BUB3: variants seen among roughly 807,000 people sequenced by gnomAD.
The protein encoded by BUB3 is BUB3 mitotic checkpoint protein.
A neutral mutation model predicts 39.9 loss-of-function variants in BUB3; 22 were observed. That is an observed-to-expected ratio of 0.55 (90% confidence interval 0.39 to 0.79). The LOEUF (loss-of-function observed/expected upper bound fraction) is 0.79, where lower values mean the gene tolerates loss of function less well. Among genes scored for constraint, BUB3 ranks in the 30% least tolerant of loss-of-function variants. The probability of loss-of-function intolerance (pLI) is 0.00; values close to 1 mark genes in which losing one functional copy is unlikely to be tolerated. For missense variants in BUB3, 303 were observed against 415.4 expected, an observed-to-expected ratio of 0.73 and a Z score of 2.35; for synonymous variants, 168 against 155.1, an observed-to-expected ratio of 1.08 and a Z score of -0.62.
chr10:123,157,585 C>T, intron 3 of BUB3, 144 bp from the exon 4 acceptor site: 2 of 879,216 alleles, frequency 2.3e-6, no homozygotes, highest in Non-Finnish European at 3.3e-6. Context: ...ATTTTTCTGT[C>T]TGTAGTAGAC....
Position 123,168,241 on chromosome 10 carries a change from ATTC to A in BUB3, c.*4409_*4411del, listed in dbSNP as rs1844512318. 1 of 152,204 alleles carries A rather than the reference ATTC, an allele frequency of 6.6e-6. No individual in the cohort carries two copies. Among genetic ancestry groups the A allele is most frequent in the African/African-American group, 2.4e-5 (1 of 41,450 alleles). 9.4% of individuals were successfully genotyped at this position (152,204 alleles called of 1,614,324 possible). ...CTCATAGGAGGCAGCTACTTTTAAC[ATTC>A]TTGGTGTATATCCATCCTTCAGGAT... is the stretch of plus-strand genomic sequence containing the variant. On this transcript the variant is annotated 3_prime_UTR_variant, in exon 8 of 8. Transcript: ENST00000368865.
Position 123,162,848 on chromosome 10 carries a change from A to G in BUB3, c.971+20A>G. Reference sequence around the variant, plus strand: ...ACCCAAGTGAGTATGCTTCACCTGTATTTGAGCCTTTTCTTGCATTCAACC... The same window carrying G: ...ACCCAAGTGAGTATGCTTCACCTGTGTTTGAGCCTTTTCTTGCATTCAACC... On this transcript the variant is annotated intron_variant, in intron 7 of 7. Transcript: ENST00000368865. 1.3e-6 allele frequency: 2 copies of G among 1,599,076 alleles called. No homozygotes were observed. Among genetic ancestry groups the G allele is most frequent in the African/African-American group, 1.3e-5 (1 of 74,506 alleles).
At position 123,157,741 on chromosome 10, in the gene BUB3, G is replaced by A; in HGVS notation, c.278G>A (p.Gly93Glu). Residue 93 changes from glycine to glutamate, a missense_variant, in exon 4 of 8, where the codon GGG (glycine) becomes GAG (glutamate). Physicochemically the swap from Gly to Glu is moderately conservative, Grantham distance 98. Coordinates refer to ENST00000368865, the MANE Select transcript of BUB3 (RefSeq NM_004725.4). The part of the protein sequence containing the change: ...DLNTDQENLV[G>E]THDAPIRCVE... ...TTTTTCTCTATAGAAAATCTTGTTGGGACCCATGATGCCCCTATCAGATGT... is the reference window on the plus strand; with the variant it reads ...TTTTTCTCTATAGAAAATCTTGTTGAGACCCATGATGCCCCTATCAGATGT... 6.3e-7 allele frequency: 1 copy of A among 1,589,458 alleles called. No individual in the cohort carries two copies. The highest frequency in any genetic ancestry group is 2.3e-5 in the East Asian group (1 of 44,148).
chr10:123,170,264 C>T lies in BUB3; in HGVS notation c.*6429C>T, dbSNP rs1379026464. On this transcript the variant is annotated 3_prime_UTR_variant, in exon 8 of 8. Transcript: ENST00000368865. The stretch of plus-strand genomic sequence containing the variant: ...TAGCTGACTTTTTAGATTCTTTTTT[C>T]TTTTACATGATGTAGTTCTCAGATA... 5 of 152,046 alleles carry T rather than the reference C, an allele frequency of 3.3e-5. No individual in the cohort carries two copies. The highest frequency in any genetic ancestry group is 3.3e-4 in the Admixed American group (5 of 15,270). 9.4% of individuals were successfully genotyped at this position (152,046 alleles called of 1,614,324 possible). A position where few individuals can be genotyped will look rare whatever the true frequency, so the allele number is the denominator to read the frequency against.
rs1589692285 is a variant in BUB3 at position 123,164,969 on chromosome 10, T to C, written c.*1134T>C. 4.5e-6 allele frequency: 2 copies of C among 449,072 alleles called. No individual in the cohort carries two copies. The highest frequency in any genetic ancestry group is 6.3e-4 in the Middle Eastern group (1 of 1,590). The allele number at this position is 449,072 out of a possible 1,614,324, so 27.8% of individuals were successfully genotyped here. A position where few individuals can be genotyped will look rare whatever the true frequency, so the allele number is the denominator to read the frequency against. On this transcript the variant is annotated 3_prime_UTR_variant, in exon 8 of 8. Transcript: ENST00000368865. ...AATTCTTTTGATACAGAGAAGGGTCTTTTTTTTTTTAAGTATTTCAGTGAA... is the reference window on the plus strand; with the variant it reads ...AATTCTTTTGATACAGAGAAGGGTCCTTTTTTTTTTAAGTATTTCAGTGAA...
chr10:123,162,080 T>TA (rs1385112151), intron 5 of BUB3, among the ~76,000 whole-genome samples, 156 bp from the exon 6 acceptor site: 1 of 152,250 alleles, frequency 6.6e-6, no homozygotes, highest in African/African-American at 2.4e-5. Flanking sequence ...AAAGTCGTCA[T>TA]AACCATGTTA....
At chr10:123,163,764 T>C in intron 7 of BUB3, 56 bp from the exon 8 acceptor site, 1 of 1,485,482 alleles carries the variant, frequency 6.7e-7, no homozygotes. Flanking sequence ...TTGTATCTCC[T>C]GTCCTGGCTG....
chr10:123,160,322 A>G (rs1844404408), intron 4 of BUB3, 85 bp from the exon 5 acceptor site: 2 of 1,279,746 alleles, frequency 1.6e-6, no homozygotes, highest in Non-Finnish European at 2.1e-6. Context: ...TTATGGTCTT[A>G]TGATCAGATG....
intron 3 of BUB3, among the ~76,000 whole-genome samples, chr10:123,156,129 AC>A (rs1330168163): frequency 1.3e-5 from 2 of 152,238 alleles, no homozygotes; most frequent in Admixed American, 6.5e-5. Flanking sequence ...TTAAAACCTG[AC>A]AAAAAATAGG....
chr10:123,155,481 C>T (rs1844338135), intron 2 of BUB3, among the ~76,000 whole-genome samples, 177 bp from the exon 3 acceptor site: 1 of 152,178 alleles, frequency 6.6e-6, no homozygotes, highest in Non-Finnish European at 1.5e-5. Flanking sequence ...CTTTAATTTC[C>T]AGACACAGGA....
Position 123,156,753 on chromosome 10 carries a change from G to GTTTTTTTTTTTTTTTTTTTTTTTTT in BUB3, c.266-965_266-964insTTTTTTTTTTTTTTTTTTTTTTTTT, listed in dbSNP as rs756642442. On this transcript the variant is annotated intron_variant, in intron 3 of 7. Transcript: ENST00000368865. Reference sequence around the variant, plus strand: ...ATGAAATCCTTTCTTTTTCTTTCTTGTTTTTTTTTTTGAGCTAGAGTCTCA... The same window carrying GTTTTTTTTTTTTTTTTTTTTTTTTT: ...ATGAAATCCTTTCTTTTTCTTTCTTGTTTTTTTTTTTTTTTTTTTTTTTTTTTTTTTTTTTTGAGCTAGAGTCTCA... 1.1e-3 allele frequency among the ~76,000 whole-genome samples: 143 copies of GTTTTTTTTTTTTTTTTTTTTTTTTT among 135,070 alleles called. 7 individuals carry two copies. The highest frequency in any genetic ancestry group is 4.3e-3 in the Middle Eastern group (1 of 234). The allele number at this position is 135,070 out of a possible 152,430, so 88.6% of individuals were successfully genotyped here. A position where few individuals can be genotyped will look rare whatever the true frequency, so the allele number is the denominator to read the frequency against.
chr10:123,161,499 A>G (rs1223012018), intron 5 of BUB3, among the ~76,000 whole-genome samples: 1 of 152,206 alleles, frequency 6.6e-6, no homozygotes, highest in Non-Finnish European at 1.5e-5. Context: ...CATTATATCT[A>G]ATATTTTATA....
In BUB3 at chr10:123,165,434, G is replaced by A. The variant is rs541081485; in HGVS notation, c.*1599G>A. On this transcript the variant is annotated 3_prime_UTR_variant, in exon 8 of 8. Coordinates refer to ENST00000368865, the MANE Select transcript of BUB3 (RefSeq NM_004725.4). ...AAAAGGCTTGTGTAAGGCAAAACTC[G>A]TCATCACAGGCATGTTGGGGGATGA... 5 of 174,964 alleles carry A rather than the reference G, an allele frequency of 2.9e-5. No individual in the cohort carries two copies. The highest frequency in any genetic ancestry group is 1.7e-4 in the South Asian group (1 of 5,798). The allele number at this position is 174,964 out of a possible 1,614,324, so 10.8% of individuals were successfully genotyped here. A position where few individuals can be genotyped will look rare whatever the true frequency, so the allele number is the denominator to read the frequency against.
chr10:123,158,717 AT>A (rs1679347609), intron 4 of BUB3, among the ~76,000 whole-genome samples: 2 of 152,206 alleles, frequency 1.3e-5, no homozygotes, highest in Admixed American at 1.3e-4. Flanking sequence ...AAATAATTGC[AT>A]TGTTTCTAGT....
At position 123,169,551 on chromosome 10, in the gene BUB3, G is replaced by C. The variant is rs1442328945; in HGVS notation, c.*5716G>C. Reference sequence around the variant, plus strand: ...TAGTTAAGTTTGGTGACTGCTTGAAGTCTAAGATCACCAAAGTGGCTAATG... The same window carrying C: ...TAGTTAAGTTTGGTGACTGCTTGAACTCTAAGATCACCAAAGTGGCTAATG... On this transcript the variant is annotated 3_prime_UTR_variant, in exon 8 of 8. Coordinates refer to ENST00000368865, the MANE Select transcript of BUB3 (RefSeq NM_004725.4). 6.6e-6 allele frequency: 1 copy of C among 152,218 alleles called. No individual in the cohort carries two copies. The highest frequency in any genetic ancestry group is 2.4e-5 in the African/African-American group (1 of 41,454). The allele number at this position is 152,218 out of a possible 1,614,324, so 9.4% of individuals were successfully genotyped here.
chr10:123,168,712 G>C lies in BUB3; in HGVS notation c.*4877G>C, dbSNP rs977694426. 2 of 152,160 alleles carry C rather than the reference G, an allele frequency of 1.3e-5. No individual in the cohort carries two copies. The highest frequency in any genetic ancestry group is 4.8e-5 in the African/African-American group (2 of 41,430). The allele number at this position is 152,160 out of a possible 1,614,324, so 9.4% of individuals were successfully genotyped here. A position where few individuals can be genotyped will look rare whatever the true frequency, so the allele number is the denominator to read the frequency against. On this transcript the variant is annotated 3_prime_UTR_variant, in exon 8 of 8. Transcript: ENST00000368865. Reference sequence around the variant, plus strand: ...TTACAGGCACCCGCCATCACGCCCGGCTAATTTTTGTATTTCTTTTAGTAG... The same window carrying C: ...TTACAGGCACCCGCCATCACGCCCGCCTAATTTTTGTATTTCTTTTAGTAG...
At chr10:123,155,202 C>A in intron 2 of BUB3, 90 bp downstream of exon 2, 1 of 1,400,176 alleles carries the variant, frequency 7.1e-7, no homozygotes, top group Non-Finnish European at 9.6e-7. Context: ...TGGGTAGAGG[C>A]GTCTGTCGGT....
intron 4 of BUB3, 34 bp from the exon 5 acceptor site, chr10:123,160,373 G>C: frequency 6.8e-7 from 1 of 1,475,788 alleles, no homozygotes; most frequent in Non-Finnish European, 9.0e-7. Flanking sequence ...AGGCAAGAAG[G>C]TGATTTTTAG....
At position 123,167,512 on chromosome 10, in the gene BUB3, C is replaced by G. The variant is rs1310284372; in HGVS notation, c.*3677C>G. ...TTTCCTACTTAAAGCAAGAGCAGGA[C>G]CACATCTTTTTGTATGCTCTGGCAC... is the stretch of plus-strand genomic sequence containing the variant. On this transcript the variant is annotated 3_prime_UTR_variant, in exon 8 of 8. Transcript: ENST00000368865. The G allele has an allele frequency of 1.3e-5, 2 of 152,140 alleles. No individual in the cohort carries two copies. The highest frequency in any genetic ancestry group is 2.9e-5 in the Non-Finnish European group (2 of 68,032). 9.4% of individuals were successfully genotyped at this position (152,140 alleles called of 1,614,324 possible).
Sources: gnomAD v4.1 joint callset for allele counts (sites outside exome capture counted in the v4.1 genomes callset) on GRCh38, gnomAD v4.1.1 for gene constraint, MANE v1.5 for transcripts, NCBI Gene and HGNC (gene_info 2026-07-23, HGNC 2026-07-21) for gene names.